The following TRPS1 variants were observed in gnomAD, a reference collection of about 807,000 sequenced individuals.
TRPS1 encodes transcriptional repressor GATA binding 1.
TRPS1 carries 6 observed loss-of-function variants against 101.2 expected under a neutral mutation model. The observed-to-expected ratio is 0.06, with a 90% CI of 0.03 to 0.12. The LOEUF (loss-of-function observed/expected upper bound fraction) is 0.12, where lower values mean the gene tolerates loss of function less well. Among genes scored for constraint, TRPS1 ranks in the 10% least tolerant of loss-of-function variants. The pLI is 1.00. For synonymous variants in TRPS1, 578 were observed against 589.8 expected (o/e 0.98, Z 0.29); for missense variants, 1,363 against 1,567.0 (o/e 0.87, Z 2.20).
chr8:115,605,654 C>G (rs1818018338), intron 3 of TRPS1, among the ~76,000 whole-genome samples: 1 of 152,082 alleles, frequency 6.6e-6, no homozygotes, highest in African/African-American at 2.4e-5. Context: ...TTGAATGTTT[C>G]CCCATCTAGA....
chr8:115,465,991 T>C (rs1814308893), intron 5 of TRPS1, among the ~76,000 whole-genome samples: 2 of 152,154 alleles, frequency 1.3e-5, no homozygotes, highest in African/African-American at 4.8e-5. Context: ...CAAATGCAGG[T>C]AGTAACAAGG....
At chr8:115,491,371 C>T (rs570518562) in intron 5 of TRPS1, among the ~76,000 whole-genome samples, 1 of 152,092 alleles carries the variant, frequency 6.6e-6, no homozygotes, top group Non-Finnish European at 1.5e-5. Flanking sequence ...AGGGTGTTAG[C>T]GCATTAGATC....
At chr8:115,558,459 C>G (rs1465532223) in intron 5 of TRPS1, among the ~76,000 whole-genome samples, 1 of 152,174 alleles carries the variant, frequency 6.6e-6, no homozygotes, top group Non-Finnish European at 1.5e-5. Context: ...GCCACTAAGG[C>G]ATCCAGGCAC....
intron 5 of TRPS1, among the ~76,000 whole-genome samples, chr8:115,579,759 T>A (rs1817400838): frequency 6.6e-6 from 1 of 152,142 alleles, no homozygotes; most frequent in Admixed American, 6.6e-5. Flanking sequence ...ATCCTTTTCC[T>A]AATTAATATG....
At position 115,418,239 on chromosome 8, in the gene TRPS1, C is replaced by T. The variant is rs1196546971; in HGVS notation, c.2823+91G>A. On this transcript the variant is annotated intron_variant, in intron 6 of 6. Transcript: ENST00000395715. This position sits in a 1 kb window ranked among gnomAD's most constrained non-coding sequence, Gnocchi z 4.3. Reference sequence around the variant, plus strand: ...TAAAACAACCCTGCGGGGGCAGGCACTGCAAGCCAGGGAATGGGACTTATC... The same window carrying T: ...TAAAACAACCCTGCGGGGGCAGGCATTGCAAGCCAGGGAATGGGACTTATC... 1.9e-6 allele frequency: 3 copies of T among 1,609,854 alleles called. No individual in the cohort carries two copies. The highest frequency in any genetic ancestry group is 1.7e-4 in the Middle Eastern group (1 of 5,770).
At chr8:115,565,556 T>C (rs964073025) in intron 5 of TRPS1, among the ~76,000 whole-genome samples, 3 of 151,980 alleles carry the variant, frequency 2.0e-5, no homozygotes, top group Non-Finnish European at 4.4e-5. Flanking sequence ...TTCCATTTGA[T>C]AAGCGTGTGC....
chr8:115,575,259 T>C (rs188287527), intron 5 of TRPS1, among the ~76,000 whole-genome samples: 9 of 152,228 alleles, frequency 5.9e-5, no homozygotes, highest in Admixed American at 1.3e-4. Flanking sequence ...GTACAACATA[T>C]AGTGAAATAC....
intron 5 of TRPS1, among the ~76,000 whole-genome samples, chr8:115,425,665 G>A (rs1364536814): frequency 6.6e-6 from 1 of 152,160 alleles, no homozygotes; most frequent in Non-Finnish European, 1.5e-5. Context: ...GAGTGAAAGA[G>A]CAGAAAATCA....
intron 5 of TRPS1, among the ~76,000 whole-genome samples, chr8:115,496,269 A>G (rs903960928): frequency 6.6e-6 from 1 of 152,222 alleles, no homozygotes; most frequent in African/African-American, 2.4e-5. Flanking sequence ...ATTTGAACCC[A>G]TCTCTTTGGT....
At chr8:115,451,812 T>G (rs1173348770) in intron 5 of TRPS1, among the ~76,000 whole-genome samples, 2 of 152,060 alleles carry the variant, frequency 1.3e-5, no homozygotes, top group African/African-American at 4.8e-5. Context: ...AATCTGAAAA[T>G]GAGCCAAGAG....
intron 5 of TRPS1, among the ~76,000 whole-genome samples, chr8:115,568,115 C>T (rs77061963): frequency 7.3e-4 from 111 of 152,184 alleles, no homozygotes; most frequent in Non-Finnish European, 1.2e-3. Flanking sequence ...GTCCTAATTC[C>T]TGACCCATTA....
At chr8:115,506,360 A>C (rs1380517740) in intron 5 of TRPS1, among the ~76,000 whole-genome samples, 2 of 152,066 alleles carry the variant, frequency 1.3e-5, no homozygotes, top group Non-Finnish European at 2.9e-5. Flanking sequence ...ATAATTGAGA[A>C]TTGAAATTCA....
At chr8:115,618,868 G>T (rs1818324618) in intron 3 of TRPS1, among the ~76,000 whole-genome samples, 1 of 152,292 alleles carries the variant, frequency 6.6e-6, no homozygotes, top group Middle Eastern at 3.4e-3. Flanking sequence ...GCCCAGAATT[G>T]TGAAGCTTAG....
At chr8:115,565,118 T>G (rs753058786) in intron 5 of TRPS1, among the ~76,000 whole-genome samples, 1 of 152,092 alleles carries the variant, frequency 6.6e-6, no homozygotes, top group Admixed American at 6.6e-5. Flanking sequence ...TGATTTCTGA[T>G]GTGACAACTC....
At chr8:115,440,228 T>G (rs1355518477) in intron 5 of TRPS1, among the ~76,000 whole-genome samples, 2 of 152,240 alleles carry the variant, frequency 1.3e-5, no homozygotes, top group Non-Finnish European at 2.9e-5. Context: ...AAAAACTTAT[T>G]CTGGAAGAAC....
At chr8:115,603,038 G>T (rs550007361) in intron 4 of TRPS1, among the ~76,000 whole-genome samples, 1 of 152,184 alleles carries the variant, frequency 6.6e-6, no homozygotes, top group African/African-American at 2.4e-5. Flanking sequence ...TAAACTGTAA[G>T]TTCCATGAGG....
intron 4 of TRPS1, among the ~76,000 whole-genome samples, chr8:115,589,709 T>A (rs1486285725): frequency 1.3e-5 from 2 of 152,176 alleles, no homozygotes; most frequent in African/African-American, 4.8e-5. Flanking sequence ...TTGCCACCAA[T>A]GTCAAGGCCA....
intron 5 of TRPS1, among the ~76,000 whole-genome samples, chr8:115,495,747 C>T: frequency 6.6e-6 from 1 of 151,514 alleles, no homozygotes; most frequent in East Asian, 1.9e-4. Flanking sequence ...ACTAAAAGGC[C>T]ATAGGAAAAC....
chr8:115,634,921 A>G (rs1333043495), intron 1 of TRPS1, among the ~76,000 whole-genome samples: 2 of 152,090 alleles, frequency 1.3e-5, no homozygotes, highest in South Asian at 2.1e-4. Flanking sequence ...GTAGGTCCCA[A>G]AATATCCTGC....
Sources: gnomAD v4.1 joint callset for allele counts (sites outside exome capture counted in the v4.1 genomes callset) on GRCh38, gnomAD v4.1.1 for gene constraint, Gnocchi (gnomAD v3.1) non-coding constraint, MANE v1.5 for transcripts, NCBI Gene and HGNC (gene_info 2026-07-23, HGNC 2026-07-21) for gene names.